CMIP: variants seen among roughly 807,000 people sequenced by gnomAD.
The protein encoded by CMIP is c-Maf inducing protein.
Under a neutral mutation model 97.3 loss-of-function variants are expected in CMIP, and 13 were observed. That is an observed-to-expected ratio of 0.13 (90% CI 0.09 to 0.21). The LOEUF (loss-of-function observed/expected upper bound fraction) is 0.21, where lower values mean the gene tolerates loss of function less well. Among genes scored for constraint, CMIP ranks in the 10% least tolerant of loss-of-function variants. The probability of loss-of-function intolerance (pLI) is 1.00; values close to 1 mark genes in which losing one functional copy is unlikely to be tolerated. For missense variants in CMIP, 847 were observed against 1,024.9 expected, an observed-to-expected ratio of 0.83 and a Z score of 2.37; for synonymous variants, 538 against 436.3, an observed-to-expected ratio of 1.23 and a Z score of -2.91.
At chr16:81,454,075 A>T (rs868411469) in intron 1 of CMIP, among the ~76,000 whole-genome samples, 6 of 152,140 alleles carry the variant, frequency 3.9e-5, no homozygotes, top group Middle Eastern at 3.4e-3. Context: ...CCGTGATCTC[A>T]TCTGGTTCCT....
At chr16:81,637,024 A>G (rs2092245906) in intron 3 of CMIP, among the ~76,000 whole-genome samples, 1 of 152,118 alleles carries the variant, frequency 6.6e-6, no homozygotes, top group Non-Finnish European at 1.5e-5. Flanking sequence ...TGGGGGCCAC[A>G]GTGTAAGCAC....
chr16:81,676,828 A>G (rs1030919201), intron 9 of CMIP, among the ~76,000 whole-genome samples: 26 of 152,132 alleles, frequency 1.7e-4, no homozygotes, highest in Non-Finnish European at 1.5e-4. Flanking sequence ...CCCAGCTGCA[A>G]CAATTCCCCA....
chr16:81,622,981 G>C (rs1365964496), intron 3 of CMIP, among the ~76,000 whole-genome samples: 2 of 152,246 alleles, frequency 1.3e-5, no homozygotes, highest in Non-Finnish European at 2.9e-5. Context: ...AAGCAGGCGG[G>C]TAGTCTAACT....
chr16:81,594,257 A>G (rs552584992), intron 1 of CMIP, among the ~76,000 whole-genome samples: 9 of 150,860 alleles, frequency 6.0e-5, no homozygotes, highest in African/African-American at 2.0e-4. Flanking sequence ...AGCTGGGACT[A>G]CAGGCACCCA....
At chr16:81,682,970 C>T (rs879151821) in intron 10 of CMIP, among the ~76,000 whole-genome samples, 2 of 152,200 alleles carry the variant, frequency 1.3e-5, no homozygotes, top group South Asian at 2.1e-4. Flanking sequence ...CGAAGAAGAG[C>T]TTTGGGATTT....
intron 2 of CMIP, chr16:81,617,073 G>A (rs545967393): frequency 2.6e-5 from 4 of 152,344 alleles, no homozygotes; most frequent in Admixed American, 6.5e-5. Flanking sequence ...GAGCACCAAC[G>A]GTGTGACCAG....
chr16:81,587,797 C>T (rs773855398), intron 1 of CMIP, among the ~76,000 whole-genome samples: 11 of 152,218 alleles, frequency 7.2e-5, no homozygotes, highest in Non-Finnish European at 1.5e-4. Flanking sequence ...CGTTGATCCC[C>T]TCCTGAGGGT....
intron 1 of CMIP, among the ~76,000 whole-genome samples, chr16:81,586,628 C>T (rs1177158747): frequency 6.6e-6 from 1 of 152,100 alleles, no homozygotes; most frequent in Non-Finnish European, 1.5e-5. Flanking sequence ...CCTTCAACTT[C>T]TCTCTCTCTG....
chr16:81,581,258 T>C (rs563067743), intron 1 of CMIP, among the ~76,000 whole-genome samples: 1 of 152,220 alleles, frequency 6.6e-6, no homozygotes, highest in Non-Finnish European at 1.5e-5. Context: ...AGTGTAGTCA[T>C]GCATTGTTTC....
chr16:81,559,570 C>G (rs115494157), intron 1 of CMIP, among the ~76,000 whole-genome samples: 66 of 152,276 alleles, frequency 4.3e-4, no homozygotes, highest in African/African-American at 1.4e-3. Flanking sequence ...CTGAAAAATT[C>G]CTGTCACCTA....
intron 7 of CMIP, among the ~76,000 whole-genome samples, chr16:81,667,596 A>G (rs948176986): frequency 2.0e-5 from 3 of 152,158 alleles, no homozygotes; most frequent in African/African-American, 7.2e-5. Context: ...AGTTTACAAA[A>G]TCATAAAACC....
At chr16:81,479,958 G>A (rs1189518805) in intron 1 of CMIP, among the ~76,000 whole-genome samples, 1 of 152,204 alleles carries the variant, frequency 6.6e-6, no homozygotes, top group Non-Finnish European at 1.5e-5. Context: ...CTTTGTGCCA[G>A]GTCCACATAA....
chr16:81,682,134 G>A (rs369952969), intron 10 of CMIP, among the ~76,000 whole-genome samples: 4 of 152,084 alleles, frequency 2.6e-5, no homozygotes, highest in East Asian at 1.9e-4. Flanking sequence ...ACCCCGGGGG[G>A]CGGAGGTTGC....
intron 1 of CMIP, among the ~76,000 whole-genome samples, chr16:81,531,467 C>A (rs763048079): frequency 6.6e-6 from 1 of 152,240 alleles, no homozygotes; most frequent in Non-Finnish European, 1.5e-5. Context: ...CTTGGGACAT[C>A]AATGCCCTCA....
chr16:81,460,108 C>A (rs1041717283), intron 1 of CMIP, among the ~76,000 whole-genome samples: 3 of 152,106 alleles, frequency 2.0e-5, no homozygotes, highest in African/African-American at 7.2e-5. Context: ...CCCTGGCCAC[C>A]CCAGAGTCAA....
At chr16:81,645,850 G>A (rs770166774) in intron 3 of CMIP, 11 of 554,782 alleles carry the variant, frequency 2.0e-5, no homozygotes, top group Non-Finnish European at 2.9e-5. Flanking sequence ...ATTATCTCAT[G>A]AAATAGTCAC....
chr16:81,663,334 A>G (rs560695111), intron 6 of CMIP, among the ~76,000 whole-genome samples: 1 of 152,276 alleles, frequency 6.6e-6, no homozygotes, highest in Admixed American at 6.5e-5. Context: ...CACGAAGAGA[A>G]AGGGGGAGCT....
chr16:81,458,787 G>T (rs1006664889), intron 1 of CMIP, among the ~76,000 whole-genome samples: 1 of 152,164 alleles, frequency 6.6e-6, no homozygotes, highest in Non-Finnish European at 1.5e-5. Context: ...CCAGCTCTCA[G>T]TTTCCTCATC....
At chr16:81,530,756 G>T (rs1597512813) in intron 1 of CMIP, among the ~76,000 whole-genome samples, 1 of 152,320 alleles carries the variant, frequency 6.6e-6, no homozygotes, top group Non-Finnish European at 1.5e-5. Context: ...GCCTCCTCCA[G>T]ATCCATCCAA....
Sources: allele counts gnomAD v4.1 joint callset (sites outside exome capture counted in the v4.1 genomes callset), GRCh38; gene constraint gnomAD v4.1.1; transcripts MANE v1.5; gene names NCBI Gene and HGNC (gene_info 2026-07-23, HGNC 2026-07-21).